ZNF516: variants seen among roughly 807,000 people sequenced by gnomAD.
ZNF516 encodes zinc finger protein 516.
Under a neutral mutation model 79.7 loss-of-function variants are expected in ZNF516, and 19 were observed. The ratio of observed to expected loss-of-function variants is 0.24; its 90% CI spans 0.17 to 0.35. The LOEUF (loss-of-function observed/expected upper bound fraction) is 0.35, where lower values mean the gene tolerates loss of function less well. ZNF516 is among the 10% of genes least tolerant of loss of function. The pLI, the probability that ZNF516 is intolerant of heterozygous loss-of-function variation, is 1.00. For synonymous variants in ZNF516, 877 were observed against 739.5 expected (o/e 1.19, Z -3.02); for missense variants, 1,678 against 1,679.5 (o/e 1.00, Z 0.02).
chr18:76,433,370 G>T (rs991513435), intron 3 of ZNF516, among the ~76,000 whole-genome samples: 1 of 152,206 alleles, frequency 6.6e-6, no homozygotes, highest in Admixed American at 6.5e-5. Context: ...GAAAAAGCAG[G>T]TCTGGCCCCT....
intron 3 of ZNF516, chr18:76,385,784 C>CCA (rs1555698707): frequency 6.6e-6 from 1 of 151,316 alleles, no homozygotes; most frequent in Non-Finnish European, 1.5e-5. Context: ...CTGCCCCCCC[C>CCA]CCGGGAGCTG....
At position 76,441,406 on chromosome 18, in the gene ZNF516, C is replaced by G. The variant is rs755260560; in HGVS notation, c.1649G>C (p.Arg550Thr). 5.0e-6 allele frequency: 8 copies of G among 1,608,994 alleles called. No individual in the cohort carries two copies. In the South Asian group the frequency reaches 8.8e-5, roughly 18 times the overall value. ...TGATCCGCAGCGGGCCCGCGCCGCC[C>G]TGTCCCCGTCACTGTCCCTCTCGCG... is the stretch of plus-strand genomic sequence containing the variant. ...ARRERDSDGD[R>T]AARARCGSLS... The change falls in exon 3 of 7, where the codon AGG becomes ACG. Residue 550 changes from arginine (R) to threonine (T), a missense_variant. Around this residue, in one of 5 missense-constraint regions of ZNF516, gnomAD observed 1,294 missense variants for 1,248.3 expected, o/e 1.04. Coordinates refer to ENST00000443185, the MANE Select transcript of ZNF516 (RefSeq NM_014643.4).
chr18:76,382,020 T>G (rs2074900438), intron 3 of ZNF516, among the ~76,000 whole-genome samples: 1 of 152,094 alleles, frequency 6.6e-6, no homozygotes, highest in Non-Finnish European at 1.5e-5. Flanking sequence ...AAGTCCCAGC[T>G]ACTCCGGAGG....
intron 3 of ZNF516, among the ~76,000 whole-genome samples, chr18:76,397,543 C>T (rs527688363): frequency 1.2e-4 from 18 of 152,234 alleles, no homozygotes; most frequent in Admixed American, 3.3e-4. Flanking sequence ...AAACAACTTG[C>T]GAAAGTATGT....
Position 76,378,937 on chromosome 18 carries a change from G to A in ZNF516, c.3177C>T (p.Asn1059=), listed in dbSNP as rs751388957. ...CCTTTGGAATGTACGTCTTAAAGAT[G>A]TTGAGGATGTCCAGGCGCTTCTCAT... ...EGHEKRLDIL[N]IFKTYIPKDF... The change falls in exon 4 of 7, where the codon AAC becomes AAT. Residue 1059 remains asparagine, a synonymous_variant. Coordinates refer to ENST00000443185, the MANE Select transcript of ZNF516 (RefSeq NM_014643.4). 3.1e-6 allele frequency: 5 copies of A among 1,613,868 alleles called. No homozygotes were observed. In the South Asian group the frequency reaches 4.4e-5, roughly 14 times the overall value.
intron 3 of ZNF516, among the ~76,000 whole-genome samples, chr18:76,424,141 T>A (rs1488161317): frequency 1.6e-5 from 1 of 63,116 alleles, no homozygotes; most frequent in Non-Finnish European, 3.1e-5. Flanking sequence ...GTTTCCCCCA[T>A]GAAACACACG....
At chr18:76,462,579 A>G (rs1913190253) in intron 2 of ZNF516, among the ~76,000 whole-genome samples, 1 of 152,234 alleles carries the variant, frequency 6.6e-6, no homozygotes, top group African/African-American at 2.4e-5. Flanking sequence ...CACCTCCCAG[A>G]AGAGAAGAGA....
chr18:76,413,728 G>T (rs890542060), intron 3 of ZNF516, among the ~76,000 whole-genome samples: 4 of 152,196 alleles, frequency 2.6e-5, no homozygotes, highest in East Asian at 1.9e-4. Context: ...TTGGGCAGGG[G>T]TTCAATGTGA....
intron 1 of ZNF516, among the ~76,000 whole-genome samples, chr18:76,482,167 T>C (rs946478250): frequency 1.3e-5 from 2 of 152,178 alleles, no homozygotes; most frequent in Non-Finnish European, 2.9e-5. Flanking sequence ...GTGCAACACA[T>C]CAACGGCCAT....
At chr18:76,479,394 G>C (rs1914366043) in intron 1 of ZNF516, among the ~76,000 whole-genome samples, 1 of 152,318 alleles carries the variant, frequency 6.6e-6, no homozygotes, top group Admixed American at 6.5e-5. Context: ...AATTCTCCCG[G>C]CAAGTCAGTC....
At chr18:76,438,669 C>T (rs997481988) in intron 3 of ZNF516, among the ~76,000 whole-genome samples, 7 of 151,984 alleles carry the variant, frequency 4.6e-5, no homozygotes, top group Non-Finnish European at 1.0e-4. Flanking sequence ...ATTCAACTGA[C>T]GAAACATGTT....
chr18:76,400,888 T>G (rs1444170328), intron 3 of ZNF516, among the ~76,000 whole-genome samples: 1 of 152,196 alleles, frequency 6.6e-6, no homozygotes, highest in South Asian at 2.1e-4. Context: ...TCCTGAAATA[T>G]CTCAGGCAGG....
intron 5 of ZNF516, 90 bp from the exon 6 acceptor site, chr18:76,370,685 C>T (rs1433512638): frequency 5.5e-6 from 6 of 1,081,906 alleles, no homozygotes; most frequent in East Asian, 3.0e-5. Context: ...AGTACTTCCA[C>T]AAAAAAAGAC....
intron 1 of ZNF516, among the ~76,000 whole-genome samples, chr18:76,473,926 T>C (rs1914029012): frequency 6.9e-6 from 1 of 144,300 alleles, no homozygotes; most frequent in South Asian, 2.3e-4. Flanking sequence ...GGCTTTCTTT[T>C]TGAGACAGGG....
chr18:76,392,066 C>A (rs1311345311), intron 3 of ZNF516, among the ~76,000 whole-genome samples: 3 of 152,244 alleles, frequency 2.0e-5, no homozygotes, highest in African/African-American at 7.2e-5. Context: ...AGCCTCATTT[C>A]CGCCACCAGC....
intron 6 of ZNF516, among the ~76,000 whole-genome samples, chr18:76,367,677 T>C (rs1002172033): frequency 3.3e-5 from 5 of 152,328 alleles, no homozygotes; most frequent in South Asian, 2.1e-4. Context: ...CCTTCCCATG[T>C]CACAGCGCTG....
intron 3 of ZNF516, among the ~76,000 whole-genome samples, chr18:76,439,365 T>C (rs1411852096): frequency 6.6e-6 from 1 of 152,240 alleles, no homozygotes; most frequent in Non-Finnish European, 1.5e-5. Context: ...CTTCCATGTT[T>C]CATGCCTCTG....
intron 3 of ZNF516, among the ~76,000 whole-genome samples, chr18:76,385,331 C>G (rs1313382888): frequency 6.6e-6 from 1 of 152,182 alleles, no homozygotes; most frequent in African/African-American, 2.4e-5. Context: ...CACACGGGGC[C>G]CAGGGAGTGG....
intron 4 of ZNF516, among the ~76,000 whole-genome samples, chr18:76,373,315 GAAAGA>G (rs1329711639): frequency 1.3e-5 from 2 of 151,076 alleles, no homozygotes; most frequent in African/African-American, 4.9e-5. Flanking sequence ...GAGAAGGGGA[GAAAGA>G]AAAGAAGGAA....
Sources: allele counts gnomAD v4.1 joint callset (sites outside exome capture counted in the v4.1 genomes callset), GRCh38; gene constraint gnomAD v4.1.1; regional missense constraint gnomAD v4.1.1; transcripts MANE v1.5; gene names NCBI Gene and HGNC (gene_info 2026-07-23, HGNC 2026-07-21).